DGKI: variants seen among roughly 807,000 people sequenced by gnomAD.
DGKI encodes the protein DAG kinase iota.
A neutral mutation model predicts 147.5 loss-of-function variants in DGKI; 55 were observed. That is an observed-to-expected ratio of 0.37 (90% CI 0.30 to 0.47). The LOEUF (loss-of-function observed/expected upper bound fraction) is 0.47. Ranked by LOEUF, DGKI falls within the 20% of genes least tolerant of loss-of-function variation. The pLI, the probability that DGKI is intolerant of heterozygous loss-of-function variation, is 1.00. For missense variants in DGKI, 1,007 were observed against 1,323.8 expected, an observed-to-expected ratio of 0.76 and a Z score of 3.71; for synonymous variants, 469 against 477.1, an observed-to-expected ratio of 0.98 and a Z score of 0.22.
chr7:137,731,842 T>C (rs372796534), intron 1 of DGKI, among the ~76,000 whole-genome samples: 85 of 152,144 alleles, frequency 5.6e-4, no homozygotes, highest in African/African-American at 1.9e-3. Context: ...AGCCCCCACA[T>C]AGAAATCCCA....
intron 17 of DGKI, among the ~76,000 whole-genome samples, chr7:137,574,860 T>C (rs1478686449): frequency 1.3e-5 from 2 of 152,214 alleles, no homozygotes; most frequent in African/African-American, 4.8e-5. Context: ...AATATTCAAA[T>C]ACATATTTTA....
In DGKI at chr7:137,473,036, G is replaced by A. The variant is rs982586293; in HGVS notation, c.2374-3417C>T. On this transcript the variant is annotated intron_variant, in intron 23 of 32. Coordinates refer to ENST00000614521, the MANE Select transcript of DGKI (RefSeq NM_001321708.2). ...ATTGGATGTTATTTAGTCTAGGTTA[G>A]TAAAATCTAGATTGAGGCACTGCCT... 2.0e-5 allele frequency among the ~76,000 whole-genome samples: 3 copies of A among 152,196 alleles called. No homozygotes were observed. The East Asian group carries it at 5.8e-4, about 29-fold the overall frequency.
intron 11 of DGKI, among the ~76,000 whole-genome samples, chr7:137,599,168 G>A (rs889652634): frequency 5.9e-5 from 9 of 152,158 alleles, no homozygotes; most frequent in African/African-American, 1.9e-4. Flanking sequence ...CAGCAGAAGT[G>A]TCCTTGGTCT....
intron 12 of DGKI, among the ~76,000 whole-genome samples, chr7:137,596,789 A>T (rs950045872): frequency 6.6e-6 from 1 of 152,198 alleles, no homozygotes; most frequent in Non-Finnish European, 1.5e-5. Flanking sequence ...TTGGTATATA[A>T]TGTGTATCCA....
intron 1 of DGKI, among the ~76,000 whole-genome samples, chr7:137,714,202 A>C (rs1794304310): frequency 6.6e-6 from 1 of 152,190 alleles, no homozygotes; most frequent in African/African-American, 2.4e-5. Flanking sequence ...TAATTATCCT[A>C]ATTGAATTAA....
At chr7:137,711,021 C>G (rs943121174) in intron 1 of DGKI, among the ~76,000 whole-genome samples, 1 of 151,988 alleles carries the variant, frequency 6.6e-6, no homozygotes, top group African/African-American at 2.4e-5. Context: ...GAAATTCATC[C>G]CCGTCCTCCT....
intron 20 of DGKI, among the ~76,000 whole-genome samples, chr7:137,546,943 A>G (rs1043783001): frequency 6.6e-6 from 1 of 152,244 alleles, no homozygotes; most frequent in African/African-American, 2.4e-5. Context: ...TGCTCAATTC[A>G]AAGTTTGCTG....
At chr7:137,501,265 C>T (rs1304202951) in intron 21 of DGKI, among the ~76,000 whole-genome samples, 1 of 152,146 alleles carries the variant, frequency 6.6e-6, no homozygotes, top group Non-Finnish European at 1.5e-5. Flanking sequence ...ATCCATTCAT[C>T]CATTGATAGA....
intron 1 of DGKI, among the ~76,000 whole-genome samples, chr7:137,699,070 C>T (rs1282684869): frequency 6.6e-6 from 1 of 152,118 alleles, no homozygotes; most frequent in Non-Finnish European, 1.5e-5. Flanking sequence ...GTTGGAGAAC[C>T]CAAGATCAAG....
intron 21 of DGKI, among the ~76,000 whole-genome samples, chr7:137,491,172 C>T (rs1401042714): frequency 6.6e-6 from 1 of 152,136 alleles, no homozygotes; most frequent in Non-Finnish European, 1.5e-5. Flanking sequence ...ACTGGCAGTA[C>T]CGGGTGCCTC....
intron 28 of DGKI, among the ~76,000 whole-genome samples, chr7:137,430,247 C>G (rs1471364626): frequency 2.0e-5 from 3 of 151,806 alleles, no homozygotes; most frequent in African/African-American, 7.3e-5. Flanking sequence ...AGTTCATGTC[C>G]TTTGTAGGAA....
At chr7:137,392,343 C>T (rs1262005214) in intron 32 of DGKI, among the ~76,000 whole-genome samples, 1 of 151,914 alleles carries the variant, frequency 6.6e-6, no homozygotes, top group South Asian at 2.1e-4. Flanking sequence ...TACTTGGCAT[C>T]GCTCAAAATT....
At chr7:137,561,591 G>A (rs986383263) in intron 19 of DGKI, among the ~76,000 whole-genome samples, 12 of 152,112 alleles carry the variant, frequency 7.9e-5, no homozygotes, top group Non-Finnish European at 1.3e-4. Context: ...ACAAAGAAAT[G>A]ACAAATGTTT....
At chr7:137,841,296 A>G (rs1002115904) in intron 1 of DGKI, among the ~76,000 whole-genome samples, 10 of 152,176 alleles carry the variant, frequency 6.6e-5, no homozygotes, top group Non-Finnish European at 1.5e-4. Context: ...TGGTATTTTT[A>G]TTTCTCCAAT....
intron 20 of DGKI, among the ~76,000 whole-genome samples, chr7:137,540,151 C>A (rs1817640887): frequency 6.6e-6 from 1 of 152,138 alleles, no homozygotes; most frequent in Non-Finnish European, 1.5e-5. Context: ...TTGGTAAATT[C>A]TAACAAACAT....
intron 1 of DGKI, among the ~76,000 whole-genome samples, chr7:137,813,037 A>G (rs1455920523): frequency 2.0e-5 from 3 of 152,192 alleles, no homozygotes. Context: ...TATGCCAGAG[A>G]CACAAGTTGA....
intron 19 of DGKI, among the ~76,000 whole-genome samples, chr7:137,570,929 G>A (rs1055802796): frequency 6.6e-6 from 1 of 152,098 alleles, no homozygotes; most frequent in Non-Finnish European, 1.5e-5. Context: ...TTTTCATTCT[G>A]TTAGAAAATT....
chr7:137,486,064 T>C (rs943867408), intron 22 of DGKI, among the ~76,000 whole-genome samples: 3 of 152,160 alleles, frequency 2.0e-5, no homozygotes, highest in African/African-American at 7.2e-5. Flanking sequence ...GCTTCCTTGC[T>C]AATGAGTGTA....
chr7:137,730,030 C>A (rs1188876244), intron 1 of DGKI, among the ~76,000 whole-genome samples: 1 of 152,130 alleles, frequency 6.6e-6, no homozygotes, highest in East Asian at 1.9e-4. Context: ...GGGCACAATG[C>A]AGACCAAGTT....
Sources: allele counts gnomAD v4.1 joint callset (sites outside exome capture counted in the v4.1 genomes callset), GRCh38; gene constraint gnomAD v4.1.1; transcripts MANE v1.5; gene names NCBI Gene and HGNC (gene_info 2026-07-23, HGNC 2026-07-21).